The following NKAIN3 variants were observed in gnomAD, a reference collection of about 807,000 sequenced individuals.
NKAIN3 encodes the protein sodium/potassium-transporting ATPase subunit beta-1-interacting protein 3.
NKAIN3 carries 25 observed loss-of-function variants against 30.2 expected under a neutral mutation model. The observed-to-expected ratio is 0.83, with a 90% CI of 0.60 to 1.16. The LOEUF is 1.16. Among genes scored for constraint, NKAIN3 ranks in the 50% most tolerant of loss-of-function variants. The pLI is 0.00. For synonymous variants in NKAIN3, 91 were observed against 89.6 expected, an observed-to-expected ratio of 1.02 and a Z score of -0.09; for missense variants, 225 against 254.1, an observed-to-expected ratio of 0.89 and a Z score of 0.78.
chr8:62,666,972 T>TA (rs1247202276), intron 3 of NKAIN3, among the ~76,000 whole-genome samples: 2 of 152,068 alleles, frequency 1.3e-5, no homozygotes, highest in African/African-American at 4.8e-5. Flanking sequence ...GTAGGATATA[T>TA]AAAAAATTTA....
intron 3 of NKAIN3, among the ~76,000 whole-genome samples, chr8:62,620,366 A>G (rs879695080): frequency 6.6e-6 from 1 of 152,164 alleles, no homozygotes; most frequent in Non-Finnish European, 1.5e-5. Flanking sequence ...AAAGTTCTCC[A>G]TGCACATTCT....
chr8:62,578,546 T>G (rs1177487022), intron 1 of NKAIN3, among the ~76,000 whole-genome samples: 1 of 152,010 alleles, frequency 6.6e-6, no homozygotes, highest in East Asian at 1.9e-4. Context: ...TTTGAACAGG[T>G]GGTTAGTCAT....
At chr8:62,280,143 A>G (rs986424697) in intron 1 of NKAIN3, among the ~76,000 whole-genome samples, 8 of 145,796 alleles carry the variant, frequency 5.5e-5, no homozygotes, top group Middle Eastern at 3.4e-3. Context: ...GCAATTGTGA[A>G]TGGGAGTTAA....
intron 1 of NKAIN3, among the ~76,000 whole-genome samples, chr8:62,319,565 AT>A (rs1392821033): frequency 1.3e-5 from 2 of 151,900 alleles, no homozygotes; most frequent in Non-Finnish European, 2.9e-5. Flanking sequence ...GAACATATTT[AT>A]TTCTGCCTTC....
At chr8:62,404,864 C>T (rs957522527) in intron 1 of NKAIN3, among the ~76,000 whole-genome samples, 21 of 152,160 alleles carry the variant, frequency 1.4e-4, no homozygotes, top group African/African-American at 5.1e-4. Context: ...TGTGTTAGGT[C>T]ACACCGAAAG....
At chr8:62,932,957 T>G (rs1170841498) in intron 5 of NKAIN3, among the ~76,000 whole-genome samples, 1 of 150,678 alleles carries the variant, frequency 6.6e-6, no homozygotes, top group East Asian at 2.0e-4. Flanking sequence ...AAGAAATGTC[T>G]GCCCTAGAAG....
intron 1 of NKAIN3, among the ~76,000 whole-genome samples, chr8:62,406,076 C>T (rs974398143): frequency 7.9e-5 from 12 of 152,146 alleles, no homozygotes; most frequent in African/African-American, 2.9e-4. Flanking sequence ...TTATCTTACT[C>T]ACCATAATGT....
Position 62,975,501 on chromosome 8 carries a change from G to C in NKAIN3, c.*10094G>C, listed in dbSNP as rs760102331. Among the ~76,000 whole-genome samples the C allele has an allele frequency of 1.3e-5, 2 of 152,074 alleles. No homozygotes were observed. Among genetic ancestry groups the C allele is most frequent in the Non-Finnish European group, 1.5e-5 (1 of 68,000 alleles). On this transcript the variant is annotated 3_prime_UTR_variant, in exon 7 of 7. Coordinates refer to ENST00000623646, the MANE Select transcript of NKAIN3 (RefSeq NM_001304533.3). ...GGTAGTTTGCATTTCTGTGGGATTA[G>C]TGGTGATCTCCACTTTATCACTTTT...
rs187495840 is a variant in NKAIN3 at position 62,926,535 on chromosome 8, A to G, written c.532+8022A>G. Among the ~76,000 whole-genome samples, 167 of 152,222 alleles carry G rather than the reference A, an allele frequency of 1.1e-3. 1 individual carries two copies. The highest frequency in any genetic ancestry group is 3.9e-3 in the African/African-American group (164 of 41,536). On this transcript the variant is annotated intron_variant, in intron 5 of 6. Transcript: ENST00000623646. ...CTCATTCTTCATCACTGCTTTCTCC[A>G]AGGCCCCTAAAAGTGAATTATTTGA...
chr8:62,638,741 A>G (rs1184661552), intron 3 of NKAIN3, among the ~76,000 whole-genome samples: 1 of 152,098 alleles, frequency 6.6e-6, no homozygotes, highest in Non-Finnish European at 1.5e-5. Flanking sequence ...CCCTGACCCC[A>G]CAACCATATA....
At chr8:62,450,663 A>G (rs1182522055) in intron 1 of NKAIN3, among the ~76,000 whole-genome samples, 2 of 152,178 alleles carry the variant, frequency 1.3e-5, no homozygotes, top group Non-Finnish European at 2.9e-5. Context: ...GTTGACTACA[A>G]AATCAACAGA....
intron 1 of NKAIN3, among the ~76,000 whole-genome samples, chr8:62,430,249 T>A (rs979822722): frequency 3.3e-5 from 5 of 151,868 alleles, no homozygotes; most frequent in African/African-American, 1.2e-4. Flanking sequence ...TACATTCATC[T>A]ATTGATGGAC....
At chr8:62,804,436 A>C (rs1435952412) in intron 4 of NKAIN3, among the ~76,000 whole-genome samples, 1 of 152,212 alleles carries the variant, frequency 6.6e-6, no homozygotes, top group Non-Finnish European at 1.5e-5. Context: ...GCAGCACATC[A>C]AAAAGTTTAT....
chr8:62,411,100 C>CA (rs1804223384), intron 1 of NKAIN3, among the ~76,000 whole-genome samples: 1 of 151,946 alleles, frequency 6.6e-6, no homozygotes, highest in Admixed American at 6.6e-5. Context: ...ACAATAACAA[C>CA]AAAAGCTTTA....
intron 4 of NKAIN3, among the ~76,000 whole-genome samples, chr8:62,862,541 T>A (rs1820283134): frequency 6.6e-6 from 1 of 152,122 alleles, no homozygotes; most frequent in Non-Finnish European, 1.5e-5. Context: ...AGGAAATATT[T>A]AACATTTATT....
At chr8:62,897,755 C>T (rs1821477795) in intron 4 of NKAIN3, among the ~76,000 whole-genome samples, 2 of 152,238 alleles carry the variant, frequency 1.3e-5, no homozygotes, top group South Asian at 4.1e-4. Context: ...TGACTTCTCA[C>T]TCTCATGGTA....
At chr8:62,638,783 G>T (rs1812214638) in intron 3 of NKAIN3, among the ~76,000 whole-genome samples, 1 of 152,046 alleles carries the variant, frequency 6.6e-6, no homozygotes. Context: ...TATAGCTTTT[G>T]TGTACCTCAG....
intron 4 of NKAIN3, chr8:62,856,033 G>T: frequency 2.9e-6 from 2 of 684,822 alleles, no homozygotes; most frequent in Non-Finnish European, 5.4e-6. Context: ...CTCAGATGAT[G>T]GTGCTTCTTC....
At chr8:62,676,500 C>T (rs573080639) in intron 3 of NKAIN3, among the ~76,000 whole-genome samples, 1 of 152,278 alleles carries the variant, frequency 6.6e-6, no homozygotes, top group African/African-American at 2.4e-5. Flanking sequence ...ACGTGGGAGG[C>T]GGAGCTCGCA....
Sources: gnomAD v4.1 joint callset for allele counts (sites outside exome capture counted in the v4.1 genomes callset) on GRCh38, gnomAD v4.1.1 for gene constraint, MANE v1.5 for transcripts, NCBI Gene and HGNC (gene_info 2026-07-23, HGNC 2026-07-21) for gene names.